Variants in PDE11A observed in about 807,000 individuals in gnomAD.
The protein encoded by PDE11A is phosphodiesterase 11A, also known as dual 3',5'-cyclic-AMP and -GMP phosphodiesterase 11A.
In PDE11A, 100 loss-of-function variants were observed where a neutral mutation model predicts 100.5. That is an observed-to-expected ratio of 1.00 (90% confidence interval 0.85 to 1.18). PDE11A has a LOEUF of 1.18. Ranked by LOEUF, PDE11A falls within the 50% of genes most tolerant of loss-of-function variation. The pLI is 0.00. For synonymous variants in PDE11A, 381 were observed against 420.8 expected, an observed-to-expected ratio of 0.91 and a Z score of 1.16; for missense variants, 1,141 against 1,152.6, an observed-to-expected ratio of 0.99 and a Z score of 0.15.
chr2:178,092,181 T>A (rs181227832), intron 2 of PDE11A, among the ~76,000 whole-genome samples: 1 of 152,294 alleles, frequency 6.6e-6, no homozygotes, highest in Non-Finnish European at 1.5e-5. Context: ...TACAGAGAAA[T>A]AAGTATGTGG....
intron 2 of PDE11A, among the ~76,000 whole-genome samples, chr2:177,971,682 G>C (rs1398596939): frequency 6.6e-6 from 1 of 152,122 alleles, no homozygotes; most frequent in Non-Finnish European, 1.5e-5. Context: ...AGGGGATGGA[G>C]GAGGCTGATA....
Position 177,644,037 on chromosome 2 carries a change from G to T in PDE11A, c.2647-14475C>A, listed in dbSNP as rs11899173. Among the ~76,000 whole-genome samples, 114 of 152,372 alleles carry T rather than the reference G, an allele frequency of 7.5e-4. 2 individuals carry two copies. Among genetic ancestry groups the T allele is most frequent in the African/African-American group, 2.7e-3 (112 of 41,582 alleles). On this transcript the variant is annotated intron_variant, in intron 19 of 19. Coordinates refer to ENST00000286063, the MANE Select transcript of PDE11A (RefSeq NM_016953.4). ...ATATCCAGAAGGAAGTCTTCTGCAGGGGTGGGGCCCTCATGGAGAACCTCT... is the reference window on the plus strand; with the variant it reads ...ATATCCAGAAGGAAGTCTTCTGCAGTGGTGGGGCCCTCATGGAGAACCTCT...
chr2:177,751,128 G>GAAA (rs5836625), intron 10 of PDE11A, among the ~76,000 whole-genome samples: 91 of 144,330 alleles, frequency 6.3e-4, no homozygotes, highest in Non-Finnish European at 1.1e-3. Flanking sequence ...TAGTGAGTAA[G>GAAA]AAAAAAAAAA....
chr2:177,781,569 C>G (rs1229423375), intron 9 of PDE11A, among the ~76,000 whole-genome samples: 4 of 151,280 alleles, frequency 2.6e-5, no homozygotes, highest in South Asian at 2.1e-4. Flanking sequence ...GTGGCTTGAT[C>G]TCAGTTCACT....
chr2:177,916,667 T>G (rs1444920471), intron 2 of PDE11A, among the ~76,000 whole-genome samples: 1 of 152,186 alleles, frequency 6.6e-6, no homozygotes, highest in East Asian at 1.9e-4. Context: ...AGTGCTGACA[T>G]TTTCTCTGTG....
intron 5 of PDE11A, among the ~76,000 whole-genome samples, chr2:177,852,015 C>T (rs997161138): frequency 6.6e-6 from 1 of 152,130 alleles, no homozygotes; most frequent in African/African-American, 2.4e-5. Flanking sequence ...GTTTCCCATA[C>T]AGATGACTCT....
intron 2 of PDE11A, among the ~76,000 whole-genome samples, chr2:178,097,004 A>G (rs571282901): frequency 1.1e-4 from 17 of 152,222 alleles, no homozygotes; most frequent in South Asian, 1.0e-3. Context: ...CTCCTGCCTC[A>G]GCCTCCTGAG....
At chr2:177,901,402 G>T (rs940497666) in intron 3 of PDE11A, among the ~76,000 whole-genome samples, 1 of 152,176 alleles carries the variant, frequency 6.6e-6, no homozygotes, top group African/African-American at 2.4e-5. Context: ...ACTGATTTGA[G>T]TAATAATAAA....
intron 2 of PDE11A, among the ~76,000 whole-genome samples, chr2:178,009,824 G>T (rs1395359200): frequency 6.6e-6 from 1 of 152,154 alleles, no homozygotes; most frequent in Non-Finnish European, 1.5e-5. Context: ...ATGATTTACT[G>T]ATTTCCATAT....
chr2:177,797,627 T>C (rs1479115943), intron 9 of PDE11A, among the ~76,000 whole-genome samples: 2 of 152,128 alleles, frequency 1.3e-5, no homozygotes, highest in Non-Finnish European at 2.9e-5. Context: ...AACAATTACT[T>C]CTTAAGGCTA....
intron 1 of PDE11A, among the ~76,000 whole-genome samples, chr2:178,036,334 T>G (rs1334991998): frequency 1.3e-5 from 2 of 152,042 alleles, no homozygotes; most frequent in African/African-American, 4.8e-5. Flanking sequence ...AAGGACTTCC[T>G]CAAGGAGAAC....
At chr2:178,054,824 A>C (rs951670337) in intron 1 of PDE11A, among the ~76,000 whole-genome samples, 7 of 152,122 alleles carry the variant, frequency 4.6e-5, no homozygotes, top group African/African-American at 1.2e-4. Context: ...GTTAGAATGG[A>C]CATCATTAAA....
chr2:178,070,377 T>G (rs939583538), intron 1 of PDE11A, among the ~76,000 whole-genome samples: 1 of 152,214 alleles, frequency 6.6e-6, no homozygotes, highest in Non-Finnish European at 1.5e-5. Flanking sequence ...AACTTTCAGA[T>G]GAAATAGATA....
chr2:177,941,891 T>C (rs1476360920), intron 2 of PDE11A, among the ~76,000 whole-genome samples: 1 of 152,172 alleles, frequency 6.6e-6, no homozygotes, highest in Non-Finnish European at 1.5e-5. Flanking sequence ...GCATATGATT[T>C]ACAGGCTCAG....
At position 177,911,054 on chromosome 2, in the gene PDE11A, C is replaced by T. The variant is rs1262332041; in HGVS notation, c.1072-5867G>A. ...GTTTTCCCACCTACAGATAACACCT[C>T]CTCCCTTTGTGTAGATTCTGAAAAC... is the stretch of plus-strand genomic sequence containing the variant. On this transcript the variant is annotated intron_variant, in intron 2 of 19. Coordinates refer to ENST00000286063, the MANE Select transcript of PDE11A (RefSeq NM_016953.4). 2.0e-5 allele frequency among the ~76,000 whole-genome samples: 3 copies of T among 152,180 alleles called. 1 individual carries two copies. Among genetic ancestry groups the T allele is most frequent in the Admixed American group, 1.3e-4 (2 of 15,286 alleles).
At chr2:177,973,262 T>C (rs536966531) in intron 2 of PDE11A, among the ~76,000 whole-genome samples, 102 of 130,164 alleles carry the variant, frequency 7.8e-4, no homozygotes, top group Non-Finnish European at 1.1e-3. Context: ...GGGCGAGGCA[T>C]TGCCTCACCT....
intron 2 of PDE11A, among the ~76,000 whole-genome samples, chr2:178,091,152 C>G (rs1405408158): frequency 6.6e-6 from 1 of 152,106 alleles, no homozygotes; most frequent in Non-Finnish European, 1.5e-5. Context: ...ATCACTGCAG[C>G]CTTGACCTCC....
intron 1 of PDE11A, among the ~76,000 whole-genome samples, chr2:178,016,109 T>A (rs2086332910): frequency 6.8e-6 from 1 of 147,440 alleles, no homozygotes; most frequent in African/African-American, 2.5e-5. Context: ...GGACTACAGA[T>A]GCAAGCCATC....
chr2:177,769,564 C>T (rs562001259), intron 9 of PDE11A, among the ~76,000 whole-genome samples, 191 bp from the exon 10 acceptor site: 8 of 151,990 alleles, frequency 5.3e-5, no homozygotes, highest in Non-Finnish European at 1.0e-4. Flanking sequence ...ATATTTTATA[C>T]CGGGATTTTT....
Sources: allele counts gnomAD v4.1 joint callset (sites outside exome capture counted in the v4.1 genomes callset), GRCh38; gene constraint gnomAD v4.1.1; transcripts MANE v1.5; gene names NCBI Gene and HGNC (gene_info 2026-07-23, HGNC 2026-07-21).